The following CNTNAP5 variants were observed in gnomAD, a reference collection of about 807,000 sequenced individuals.
CNTNAP5 encodes contactin-associated protein-like 5.
A neutral mutation model predicts 150.2 loss-of-function variants in CNTNAP5; 72 were observed. The ratio of observed to expected loss-of-function variants is 0.48; its 90% CI spans 0.40 to 0.58. The LOEUF is 0.58. Ranked by LOEUF, CNTNAP5 falls within the 20% of genes least tolerant of loss-of-function variation. The pLI is 0.00. For missense variants in CNTNAP5, 1,636 were observed against 1,626.2 expected, an observed-to-expected ratio of 1.01 and a Z score of -0.10; for synonymous variants, 672 against 619.8, an observed-to-expected ratio of 1.08 and a Z score of -1.25.
intron 3 of CNTNAP5, among the ~76,000 whole-genome samples, chr2:124,279,029 T>C (rs1459561223): frequency 6.6e-6 from 1 of 151,938 alleles, no homozygotes; most frequent in Non-Finnish European, 1.5e-5. Flanking sequence ...CAAGACAGGT[T>C]CTAGAGGACC....
intron 1 of CNTNAP5, among the ~76,000 whole-genome samples, chr2:124,205,483 G>A (rs1380632521): frequency 6.0e-5 from 9 of 149,858 alleles, no homozygotes; most frequent in Non-Finnish European, 1.0e-4. Context: ...CAATGGTGCC[G>A]TCTCAGCTCA....
rs369918427 is a variant in CNTNAP5 at position 124,866,286 on chromosome 2, T to C, written c.3348+850T>C. Among the ~76,000 whole-genome samples, 69 of 152,030 alleles carry C rather than the reference T, an allele frequency of 4.5e-4. 2 individuals carry two copies. In the East Asian group the frequency reaches 7.8e-3, roughly 17 times the overall value. On this transcript the variant is annotated intron_variant, in intron 20 of 23. Coordinates refer to ENST00000682447, the MANE Select transcript of CNTNAP5 (RefSeq NM_001367498.1). ...AAACAAACAAACAAACAAAAAGAAA[T>C]GCAGATTCTTGGGTTCCACAGCAGA...
chr2:124,783,653 C>G (rs1681501034), intron 17 of CNTNAP5, among the ~76,000 whole-genome samples: 1 of 152,058 alleles, frequency 6.6e-6, no homozygotes, highest in Non-Finnish European at 1.5e-5. Context: ...AACTCTTTTC[C>G]AGTTTCCTGA....
chr2:124,116,315 A>G (rs1683427998), intron 1 of CNTNAP5, among the ~76,000 whole-genome samples: 1 of 152,178 alleles, frequency 6.6e-6, no homozygotes, highest in Non-Finnish European at 1.5e-5. Context: ...TCCTGCTATC[A>G]CAGTCCCCAT....
At chr2:124,221,064 A>G (rs2104739838) in intron 1 of CNTNAP5, among the ~76,000 whole-genome samples, 1 of 152,262 alleles carries the variant, frequency 6.6e-6, no homozygotes, top group South Asian at 2.1e-4. Flanking sequence ...AATACTTTCC[A>G]CATTTAGGAT....
chr2:124,857,551 C>T (rs889072250), intron 19 of CNTNAP5, among the ~76,000 whole-genome samples: 1 of 151,962 alleles, frequency 6.6e-6, no homozygotes, highest in African/African-American at 2.4e-5. Context: ...TCAGGCCAGG[C>T]AGGGGAGCTC....
intron 13 of CNTNAP5, among the ~76,000 whole-genome samples, chr2:124,705,123 C>T (rs1245711524): frequency 2.0e-5 from 3 of 152,202 alleles, no homozygotes; most frequent in Admixed American, 2.0e-4. Context: ...TTATGTATTA[C>T]ACACACACTT....
chr2:124,645,465 G>A (rs576866792), intron 12 of CNTNAP5, among the ~76,000 whole-genome samples: 53 of 152,262 alleles, frequency 3.5e-4, no homozygotes, highest in African/African-American at 1.2e-3. Flanking sequence ...CTACTTGGGA[G>A]TCTGAGGCAG....
At chr2:124,033,670 A>C (rs542303606) in intron 1 of CNTNAP5, among the ~76,000 whole-genome samples, 3 of 120,238 alleles carry the variant, frequency 2.5e-5, no homozygotes, top group South Asian at 6.5e-4. Flanking sequence ...TTACTGATGC[A>C]GGCCAGACAT....
intron 1 of CNTNAP5, among the ~76,000 whole-genome samples, chr2:124,104,123 A>G (rs1683122729): frequency 6.6e-6 from 1 of 150,796 alleles, no homozygotes; most frequent in Admixed American, 6.6e-5. Context: ...ATACTACCTC[A>G]TTTCTCAACT....
intron 11 of CNTNAP5, among the ~76,000 whole-genome samples, chr2:124,564,770 G>A (rs1368566828): frequency 6.6e-6 from 1 of 152,200 alleles, no homozygotes; most frequent in Non-Finnish European, 1.5e-5. Context: ...CGGACTATAA[G>A]TGTGATTGAG....
At chr2:124,215,351 CA>C (rs1176294398) in intron 1 of CNTNAP5, among the ~76,000 whole-genome samples, 4 of 151,956 alleles carry the variant, frequency 2.6e-5, no homozygotes, top group Non-Finnish European at 5.9e-5. Context: ...ATGTTGGCAA[CA>C]AAAAATGTTA....
intron 13 of CNTNAP5, among the ~76,000 whole-genome samples, chr2:124,655,945 G>GAGAGAGAGAA (rs1553427800): frequency 3.6e-5 from 2 of 55,518 alleles, no homozygotes; most frequent in East Asian, 3.6e-4. Context: ...GAGAGAGAGA[G>GAGAGAGAGAA]AGAAAGAAAG....
intron 1 of CNTNAP5, among the ~76,000 whole-genome samples, chr2:124,203,877 A>G (rs1685794735): frequency 6.6e-6 from 1 of 152,216 alleles, no homozygotes; most frequent in South Asian, 2.1e-4. Context: ...GACCTCTGAC[A>G]TGCCCTGAAG....
chr2:124,511,086 C>T (rs1198697114), intron 8 of CNTNAP5, among the ~76,000 whole-genome samples: 1 of 152,048 alleles, frequency 6.6e-6, no homozygotes, highest in Non-Finnish European at 1.5e-5. Context: ...ATGTGGTTGC[C>T]GTTTTAAAGG....
intron 3 of CNTNAP5, among the ~76,000 whole-genome samples, chr2:124,294,834 A>T (rs1459795388): frequency 6.6e-6 from 1 of 152,232 alleles, no homozygotes; most frequent in Admixed American, 6.5e-5. Flanking sequence ...TTAAAAATAT[A>T]GCTTTGTATA....
intron 2 of CNTNAP5, among the ~76,000 whole-genome samples, chr2:124,222,705 A>C (rs1166206088): frequency 6.6e-6 from 1 of 150,566 alleles, no homozygotes; most frequent in Non-Finnish European, 1.5e-5. Context: ...TGCATTCTGG[A>C]ATAAGTTCTA....
rs554739837 is a variant in CNTNAP5, at chr2:124,889,326, A to G, written c.3437-13556A>G. ...TGTTGGTCTCCAACTCCTGACCTCA[A>G]GTTATCCGCCCGCCTTGGCCTCCCA... is the stretch of plus-strand genomic sequence containing the variant. On this transcript the variant is annotated intron_variant, in intron 21 of 23. Coordinates refer to ENST00000682447, the MANE Select transcript of CNTNAP5 (RefSeq NM_001367498.1). 3.3e-5 allele frequency among the ~76,000 whole-genome samples: 5 copies of G among 151,894 alleles called. No homozygotes were observed. In the South Asian group the frequency reaches 1.0e-3, roughly 32 times the overall value.
intron 3 of CNTNAP5, among the ~76,000 whole-genome samples, chr2:124,305,784 C>T (rs1030961288): frequency 1.2e-4 from 19 of 152,266 alleles, no homozygotes; most frequent in Admixed American, 2.6e-4. Context: ...GTGCCAACAT[C>T]TTTATATTGA....
Sources: gnomAD v4.1 joint callset for allele counts (sites outside exome capture counted in the v4.1 genomes callset) on GRCh38, gnomAD v4.1.1 for gene constraint, MANE v1.5 for transcripts, NCBI Gene and HGNC (gene_info 2026-07-23, HGNC 2026-07-21) for gene names.